KHDC1: variants seen among roughly 807,000 people sequenced by gnomAD.
KHDC1 encodes KH homology domain-containing protein 1.
Under a neutral mutation model 24.7 loss-of-function variants are expected in KHDC1, and 21 were observed. The observed-to-expected ratio is 0.85, with a 90% CI of 0.60 to 1.23. The LOEUF (loss-of-function observed/expected upper bound fraction) is 1.23, where lower values mean the gene tolerates loss of function less well. Among genes scored for constraint, KHDC1 ranks in the 50% most tolerant of loss-of-function variants. The pLI is 0.00. For missense variants in KHDC1, 274 were observed against 298.5 expected, an observed-to-expected ratio of 0.92 and a Z score of 0.61; for synonymous variants, 98 against 111.7, an observed-to-expected ratio of 0.88 and a Z score of 0.77.
intron 2 of KHDC1, among the ~76,000 whole-genome samples, chr6:73,291,661 G>T (rs1453393146): frequency 6.6e-6 from 1 of 151,816 alleles, no homozygotes; most frequent in Non-Finnish European, 1.5e-5. Context: ...ATGCAGTGGT[G>T]TATGGTTGCT....
chr6:73,289,383 G>GAT (rs1767593609), intron 2 of KHDC1, among the ~76,000 whole-genome samples: 2 of 137,494 alleles, frequency 1.5e-5, no homozygotes, highest in Admixed American at 1.5e-4. Flanking sequence ...GCCAACTACA[G>GAT]TGGCTCCTGT....
At chr6:73,273,371 T>C (rs578160897) in intron 2 of KHDC1, among the ~76,000 whole-genome samples, 30 of 151,788 alleles carry the variant, frequency 2.0e-4, no homozygotes, top group Middle Eastern at 3.4e-3. Flanking sequence ...TTTCACCATG[T>C]TGGCCAGGCT....
At chr6:73,280,947 G>A (rs548688262) in intron 2 of KHDC1, among the ~76,000 whole-genome samples, 1 of 151,652 alleles carries the variant, frequency 6.6e-6, no homozygotes, top group Non-Finnish European at 1.5e-5. Flanking sequence ...GGTGGCTTAC[G>A]CCTGTAATCC....
chr6:73,262,666 T>G, intron 2 of KHDC1, 108 bp downstream of exon 1: 2 of 867,276 alleles, frequency 2.3e-6, no homozygotes, highest in Non-Finnish European at 2.8e-6. Context: ...TACTGCTATC[T>G]CCTGTTTCCC....
Position 73,285,674 on chromosome 6 carries a change from C to CCA in KHDC1, c.206+6323_206+6324insTG, listed in dbSNP as rs1554226909. On this transcript the variant is annotated intron_variant, in intron 2 of 4. Transcript: ENST00000370384. ...CTTTTTTTTTTTTTTTTATTATACTCTAAGTTTTAGGGTACATGTGCATAT... is the reference window on the plus strand; with the variant it reads ...CTTTTTTTTTTTTTTTTATTATACTCCATAAGTTTTAGGGTACATGTGCATAT... Among the ~76,000 whole-genome samples the CCA allele has an allele frequency of 1.6e-4, 23 of 142,544 alleles. No homozygotes were observed. The East Asian group carries it at 4.6e-3, about 28-fold the overall frequency. The allele number at this position is 142,544 out of a possible 152,430, so 93.5% of individuals were successfully genotyped here. A position where few individuals can be genotyped will look rare whatever the true frequency, so the allele number is the denominator to read the frequency against.
chr6:73,263,155 C>G, intron 2 of KHDC1: 1 of 987,584 alleles, frequency 1.0e-6, no homozygotes, highest in Non-Finnish European at 1.2e-6. Context: ...CCAGGGGTCC[C>G]GGCTCGCGCC....
At chr6:73,241,960 C>A in intron 4 of KHDC1, 95 bp downstream of exon 3, 1 of 1,357,668 alleles carries the variant, frequency 7.4e-7, no homozygotes, top group Non-Finnish European at 1.0e-6. Flanking sequence ...ATTCCCCAGC[C>A]ACACAAGGGA....
intron 1 of KHDC1, among the ~76,000 whole-genome samples, chr6:73,307,265 T>A (rs969206746): frequency 2.6e-5 from 4 of 151,562 alleles, no homozygotes; most frequent in Non-Finnish European, 5.9e-5. Flanking sequence ...CCGTCTCTAT[T>A]AAAAATATAA....
At chr6:73,297,665 A>T (rs1767780954) in intron 1 of KHDC1, among the ~76,000 whole-genome samples, 2 of 152,156 alleles carry the variant, frequency 1.3e-5, no homozygotes, top group Non-Finnish European at 2.9e-5. Flanking sequence ...ATTAAAATTG[A>T]TTTTTGAACA....
At chr6:73,294,769 G>A (rs1767729415) in intron 1 of KHDC1, among the ~76,000 whole-genome samples, 2 of 152,114 alleles carry the variant, frequency 1.3e-5, no homozygotes. Flanking sequence ...GGCCTCACGG[G>A]AGTTGACTGG....
chr6:73,260,897 T>C (rs1403847065), intron 2 of KHDC1, among the ~76,000 whole-genome samples: 1 of 152,218 alleles, frequency 6.6e-6, no homozygotes, highest in Admixed American at 6.5e-5. Flanking sequence ...CCCATTTCTC[T>C]GTAGGGTTGT....
intron 2 of KHDC1, among the ~76,000 whole-genome samples, chr6:73,260,927 G>T (rs1177148609): frequency 6.6e-6 from 1 of 151,958 alleles, no homozygotes; most frequent in Non-Finnish European, 1.5e-5. Flanking sequence ...ATATATATTT[G>T]TTTTCACTAT....
rs138811288 is a variant in KHDC1 at position 73,283,377 on chromosome 6, G to A, written c.206+8621C>T. Among the ~76,000 whole-genome samples, 153 of 150,972 alleles carry A rather than the reference G, an allele frequency of 1.0e-3. 1 individual carries two copies. Among genetic ancestry groups the A allele is most frequent in the African/African-American group, 3.3e-3 (135 of 41,130 alleles). On this transcript the variant is annotated intron_variant, in intron 2 of 4. Coordinates refer to ENST00000370384, the Ensembl canonical transcript of KHDC1. Reference sequence around the variant, plus strand: ...CTTGTGGTTTTGTTTATCCTATTTTGTTTCTTATTCCATTGGCTTTTGCTT... The same window carrying A: ...CTTGTGGTTTTGTTTATCCTATTTTATTTCTTATTCCATTGGCTTTTGCTT...
intron 2 of KHDC1, among the ~76,000 whole-genome samples, chr6:73,257,587 T>C (rs1417155209): frequency 6.6e-6 from 1 of 151,904 alleles, no homozygotes; most frequent in South Asian, 2.1e-4. Context: ...TTAGTAGAGA[T>C]AGGGTTTCAC....
chr6:73,259,593 C>A (rs141200741), intron 2 of KHDC1, among the ~76,000 whole-genome samples: 42 of 152,194 alleles, frequency 2.8e-4, no homozygotes, highest in African/African-American at 9.2e-4. Context: ...AAGGATAGAT[C>A]GAAGGGAATG....
At chr6:73,262,621 G>A (rs1757456483) in intron 2 of KHDC1, among the ~76,000 whole-genome samples, 153 bp downstream of exon 1, 1 of 144,186 alleles carries the variant, frequency 6.9e-6, no homozygotes, top group Admixed American at 6.7e-5. Flanking sequence ...AACAATAGAG[G>A]AAAGTCACAC....
intron 2 of KHDC1, among the ~76,000 whole-genome samples, chr6:73,246,889 C>T (rs563935584): frequency 8.0e-5 from 12 of 150,326 alleles, no homozygotes; most frequent in Non-Finnish European, 1.8e-4. Context: ...GTGGTCATTC[C>T]AAGAAACCAA....
chr6:73,254,511 TAAA>T (rs1162182594), intron 2 of KHDC1, among the ~76,000 whole-genome samples: 1 of 134,802 alleles, frequency 7.4e-6, no homozygotes, highest in Non-Finnish European at 1.6e-5. Flanking sequence ...AATAAATAAA[TAAA>T]AGACTACGTA....
chr6:73,297,953 T>C (rs559549025), intron 1 of KHDC1, among the ~76,000 whole-genome samples: 11 of 152,180 alleles, frequency 7.2e-5, no homozygotes, highest in South Asian at 4.2e-4. Context: ...CTGAGGTATA[T>C]TGGCAAAACC....
Sources: gnomAD v4.1 joint callset for allele counts (sites outside exome capture counted in the v4.1 genomes callset) on GRCh38, gnomAD v4.1.1 for gene constraint, MANE v1.5 for transcripts, NCBI Gene and HGNC (gene_info 2026-07-23, HGNC 2026-07-21) for gene names.